NTM: variants seen among roughly 807,000 people sequenced by gnomAD.
NTM encodes neurotrimin.
A neutral mutation model predicts 42.1 loss-of-function variants in NTM; 13 were observed. The ratio of observed to expected loss-of-function variants is 0.31; its 90% CI spans 0.20 to 0.49. The LOEUF (loss-of-function observed/expected upper bound fraction) is 0.49. Among genes scored for constraint, NTM ranks in the 20% least tolerant of loss-of-function variants. NTM has a pLI of 0.99. For missense variants in NTM, 373 were observed against 452.8 expected, an observed-to-expected ratio of 0.82 and a Z score of 1.60; for synonymous variants, 187 against 179.2, an observed-to-expected ratio of 1.04 and a Z score of -0.35.
At chr11:131,789,550 GAAGAAGAA>G (rs2090284342) in intron 1 of NTM, among the ~76,000 whole-genome samples, 1 of 6,934 alleles carries the variant, frequency 1.4e-4, no homozygotes, top group Non-Finnish European at 2.6e-4. Context: ...AAGAAGAAAA[GAAGAAGAA>G]GAAGAAGAAG....
intron 1 of NTM, among the ~76,000 whole-genome samples, chr11:131,709,563 G>A (rs943772725): frequency 1.1e-4 from 16 of 152,192 alleles, no homozygotes; most frequent in Non-Finnish European, 1.9e-4. Flanking sequence ...GCACTTGAAA[G>A]GATGGAGTTG....
intron 2 of NTM, among the ~76,000 whole-genome samples, chr11:132,035,986 C>T (rs750553852): frequency 6.6e-5 from 10 of 152,064 alleles, no homozygotes; most frequent in Non-Finnish European, 1.3e-4. Flanking sequence ...CATCATTACG[C>T]GGGGGTGACA....
rs534450322 is a variant in NTM, at chr11:132,212,235, C to T, written c.526+88C>T. 47 of 1,052,254 alleles carry T rather than the reference C, an allele frequency of 4.5e-5. No homozygotes were observed. The African/African-American group carries it at 6.4e-4, about 14-fold the overall frequency. The allele number at this position is 1,052,254 out of a possible 1,614,324, so 65.2% of individuals were successfully genotyped here. Reference sequence around the variant, plus strand: ...AGGAGGTTATGGGTGCTGATACCTACTCCAGAGGAGTCTACGTTTTTGGTG... The same window carrying T: ...AGGAGGTTATGGGTGCTGATACCTATTCCAGAGGAGTCTACGTTTTTGGTG... On this transcript the variant is annotated intron_variant, in intron 4 of 8. Coordinates refer to ENST00000683400, the MANE Select transcript of NTM (RefSeq NM_001352005.2).
intron 1 of NTM, among the ~76,000 whole-genome samples, chr11:131,416,340 C>T (rs979045550): frequency 6.6e-6 from 1 of 152,152 alleles, no homozygotes; most frequent in Non-Finnish European, 1.5e-5. Flanking sequence ...ACTTAACCTT[C>T]AAACTCATCA....
At chr11:131,576,694 C>A (rs1404350765) in intron 1 of NTM, among the ~76,000 whole-genome samples, 1 of 152,110 alleles carries the variant, frequency 6.6e-6, no homozygotes, top group African/African-American at 2.4e-5. Context: ...AAGACCCTTC[C>A]AAGAATGGCC....
intron 1 of NTM, among the ~76,000 whole-genome samples, chr11:131,863,245 G>A (rs568454316): frequency 6.6e-6 from 1 of 152,322 alleles, no homozygotes; most frequent in East Asian, 1.9e-4. Context: ...TTTCACCTCA[G>A]GGCTGCTGTC....
At chr11:131,830,303 T>C (rs1044642465) in intron 1 of NTM, among the ~76,000 whole-genome samples, 8 of 152,218 alleles carry the variant, frequency 5.3e-5, no homozygotes, top group Admixed American at 5.2e-4. Context: ...TAGTTTGATG[T>C]CTTACATTTA....
At chr11:131,819,776 G>A (rs1592077840) in intron 1 of NTM, among the ~76,000 whole-genome samples, 2 of 152,288 alleles carry the variant, frequency 1.3e-5, no homozygotes, top group East Asian at 3.9e-4. Flanking sequence ...AGGGCACCAG[G>A]AGCTTGTTGC....
chr11:131,498,726 G>A (rs1955611525), intron 1 of NTM, among the ~76,000 whole-genome samples: 1 of 152,190 alleles, frequency 6.6e-6, no homozygotes, highest in African/African-American at 2.4e-5. Flanking sequence ...GGCCTGAAAG[G>A]GAGCTCTGTT....
intron 2 of NTM, among the ~76,000 whole-genome samples, chr11:131,955,819 A>C (rs1410748319): frequency 6.6e-6 from 1 of 152,112 alleles, no homozygotes; most frequent in Non-Finnish European, 1.5e-5. Context: ...CCTTCTCCTA[A>C]ATATAATGTC....
At chr11:131,674,692 A>G (rs1260467418) in intron 1 of NTM, among the ~76,000 whole-genome samples, 2 of 152,174 alleles carry the variant, frequency 1.3e-5, no homozygotes, top group East Asian at 3.8e-4. Context: ...TGCAGTTACA[A>G]GAATATTGCC....
intron 4 of NTM, among the ~76,000 whole-genome samples, chr11:132,306,131 G>A (rs1370972864): frequency 6.6e-6 from 1 of 152,184 alleles, no homozygotes; most frequent in Non-Finnish European, 1.5e-5. Context: ...AATGGAACAA[G>A]GCAGTGGCCC....
intron 2 of NTM, among the ~76,000 whole-genome samples, chr11:131,990,007 C>T (rs2066743516): frequency 2.0e-5 from 3 of 152,080 alleles, no homozygotes; most frequent in South Asian, 4.1e-4. Context: ...ATAAAGACAT[C>T]CATCTATTAC....
intron 4 of NTM, among the ~76,000 whole-genome samples, chr11:132,287,031 C>A (rs550496934): frequency 6.6e-6 from 1 of 152,126 alleles, no homozygotes; most frequent in African/African-American, 2.4e-5. Context: ...TAAATTCCTC[C>A]TTAGTGTGTA....
chr11:131,912,534 C>A (rs1299191765), intron 2 of NTM, among the ~76,000 whole-genome samples: 1 of 152,220 alleles, frequency 6.6e-6, no homozygotes, highest in Non-Finnish European at 1.5e-5. Flanking sequence ...CCACACCTCT[C>A]ATATGCGGGC....
At chr11:131,483,828 G>A (rs1382626057) in intron 1 of NTM, among the ~76,000 whole-genome samples, 1 of 152,240 alleles carries the variant, frequency 6.6e-6, no homozygotes, top group Non-Finnish European at 1.5e-5. Context: ...TTCTGCCCTT[G>A]GCAATTAAGG....
chr11:132,137,071 A>G (rs922391069), intron 2 of NTM, among the ~76,000 whole-genome samples: 1 of 152,224 alleles, frequency 6.6e-6, no homozygotes, highest in African/African-American at 2.4e-5. Flanking sequence ...AATCGCAAAA[A>G]GTGTCTGATT....
At chr11:131,638,740 C>G (rs1448926382) in intron 1 of NTM, among the ~76,000 whole-genome samples, 2 of 151,840 alleles carry the variant, frequency 1.3e-5, no homozygotes, top group Admixed American at 1.3e-4. Flanking sequence ...GATTTTAGTC[C>G]CAGACTTTGC....
intron 1 of NTM, among the ~76,000 whole-genome samples, chr11:131,892,904 T>C (rs777310685): frequency 1.3e-5 from 2 of 152,236 alleles, no homozygotes; most frequent in Non-Finnish European, 2.9e-5. Context: ...TCCTGCAGCC[T>C]GCTGTTCTTC....
Sources: allele counts gnomAD v4.1 joint callset (sites outside exome capture counted in the v4.1 genomes callset), GRCh38; gene constraint gnomAD v4.1.1; transcripts MANE v1.5; gene names NCBI Gene and HGNC (gene_info 2026-07-23, HGNC 2026-07-21).